CP: variants seen among roughly 807,000 people sequenced by gnomAD.
CP encodes the protein ceruloplasmin, also known as caeruloplasmin.
In CP, 64 loss-of-function variants were observed where a neutral mutation model predicts 122.4. The observed-to-expected ratio is 0.52, with a 90% confidence interval of 0.43 to 0.64. The LOEUF is 0.64. CP is among the 30% of genes least tolerant of loss of function. The pLI is 0.00. For synonymous variants in CP, 440 were observed against 436.4 expected, an observed-to-expected ratio of 1.01 and a Z score of -0.10; for missense variants, 1,167 against 1,284.4, an observed-to-expected ratio of 0.91 and a Z score of 1.40.
chr3:149,216,009 C>T lies in CP; in HGVS notation c.147-3311G>A, dbSNP rs6767930. On this transcript the variant is annotated intron_variant, in intron 1 of 18. Transcript: ENST00000264613. ...AAGATATTAATAATGCTATTCCCTC[C>T]CATAAATTTAGAATTCACTCAAGTG... Among the ~76,000 whole-genome samples, 1,393 of 152,198 alleles carry T rather than the reference C, an allele frequency of 9.2e-3. 28 individuals are homozygous for T. Among genetic ancestry groups the T allele is most frequent in the African/African-American group, 0.032 (1,337 of 41,506 alleles).
At chr3:149,181,979 A>AGC in intron 14 of CP, 26 bp downstream of exon 14, 5 of 515,794 alleles carry the variant, frequency 9.7e-6, no homozygotes, top group South Asian at 3.0e-5. Context: ...AAAATGCACC[A>AGC]CCCCCACCCC....
downstream of CP, among the ~76,000 whole-genome samples, chr3:149,168,906 CATT>C (rs147336709): frequency 0.017 from 2,585 of 152,280 alleles, 36 homozygotes; most frequent in Middle Eastern, 0.054. Flanking sequence ...TCAGCATCAT[CATT>C]ATCTTAATCA....
chr3:149,196,469 AAAAAAAC>A (rs1195782338), intron 9 of CP, among the ~76,000 whole-genome samples: 1 of 152,130 alleles, frequency 6.6e-6, no homozygotes, highest in East Asian at 1.9e-4. Context: ...ATCCTCACCA[AAAAAAAC>A]AAAAAACAAA....
intron 2 of CP, among the ~76,000 whole-genome samples, chr3:149,211,673 C>A (rs1728107661): frequency 6.6e-6 from 1 of 152,214 alleles, no homozygotes; most frequent in Non-Finnish European, 1.5e-5. Flanking sequence ...CTTATGCCAC[C>A]TTAGCTGGGG....
chr3:149,189,339 G>A (rs914918041), intron 9 of CP, among the ~76,000 whole-genome samples: 26 of 152,018 alleles, frequency 1.7e-4, no homozygotes, highest in African/African-American at 5.8e-4. Context: ...GGATCACGAG[G>A]TCAGGAGATC....
Position 149,212,553 on chromosome 3 carries a change from T to C in CP, c.292A>G (p.Lys98Glu), listed in dbSNP as rs1728185720. 1 of 1,614,042 alleles carries C rather than the reference T, an allele frequency of 6.2e-7. No homozygotes were observed. ...VWLGFLGPII[K>E]AETGDKVYVH... is the part of the protein sequence containing the mutation. Reference sequence around the variant, plus strand: ...TAAACTTTATCTCCAGTTTCAGCTTTGATAATAGGGCCTAAAAACCCAAGC... The same window carrying C: ...TAAACTTTATCTCCAGTTTCAGCTTCGATAATAGGGCCTAAAAACCCAAGC... Residue 98 changes from lysine (K) to glutamate (E), a missense_variant, in exon 2 of 19, where the codon AAA becomes GAA. This residue lies in a region of CP where 642 missense variants were observed against 627.3 expected (regional missense o/e 1.02). Coordinates refer to ENST00000264613, the MANE Select transcript of CP (RefSeq NM_000096.4).
Position 149,172,805 on chromosome 3 carries a change from T to A in CP, c.*909A>T, listed in dbSNP as rs1439961027. The stretch of plus-strand genomic sequence containing the variant: ...CTCTGAATCAAATGAAGTAGAAGTT[T>A]ACAAAGCTAACTTTCTTCTTGTCTA... On this transcript the variant is annotated 3_prime_UTR_variant, in exon 19 of 19. Coordinates refer to ENST00000264613, the MANE Select transcript of CP (RefSeq NM_000096.4). The A allele has an allele frequency of 6.5e-6, 1 of 152,808 alleles. No homozygotes were observed. The highest frequency in any genetic ancestry group is 1.5e-5 in the Non-Finnish European group (1 of 68,156). The allele number at this position is 152,808 out of a possible 1,614,324, so 9.5% of individuals were successfully genotyped here. A position where few individuals can be genotyped will look rare whatever the true frequency, so the allele number is the denominator to read the frequency against.
chr3:149,169,648 G>C (rs1302938243), downstream of CP, among the ~76,000 whole-genome samples: 1 of 152,172 alleles, frequency 6.6e-6, no homozygotes, highest in African/African-American at 2.4e-5. Context: ...AATGTCTCCA[G>C]ATGTTGCCAG....
intron 9 of CP, among the ~76,000 whole-genome samples, chr3:149,188,714 A>G (rs934870336): frequency 6.6e-6 from 1 of 152,106 alleles, no homozygotes; most frequent in African/African-American, 2.4e-5. Context: ...TTCAAACATT[A>G]TCACCTCCTC....
rs1231194288 is a variant in CP, at chr3:149,202,207, T to C, written c.1243A>G (p.Arg415Gly). The change falls in exon 7 of 19, where the codon AGA becomes GGA. Residue 415 changes from arginine to glycine, a missense_variant. Around this residue, in one of 2 missense-constraint regions of CP, gnomAD observed 642 missense variants for 627.3 expected, o/e 1.02. Transcript: ENST00000264613. ...AGCTTTTTATAAGAGCCTCCAATTC[T>C]TGTGGTACCTTGTTCAAAAAACACC... ...SAVFFEQGTT[R>G]IGGSYKKLVY... 1 of 1,614,174 alleles carries C rather than the reference T, an allele frequency of 6.2e-7. No individual in the cohort carries two copies. The highest frequency in any genetic ancestry group is 8.5e-7 in the Non-Finnish European group (1 of 1,180,018).
intron 1 of CP, among the ~76,000 whole-genome samples, chr3:149,215,278 G>A (rs1000352657): frequency 7.2e-5 from 11 of 152,154 alleles, no homozygotes; most frequent in Non-Finnish European, 1.5e-4. Flanking sequence ...TTATTGCATT[G>A]AAATGCTCCT....
chr3:149,202,177 A>G lies in CP; in HGVS notation c.1273T>C (p.Tyr425His), dbSNP rs1727373757. 6.2e-7 allele frequency: 1 copy of G among 1,614,058 alleles called. No homozygotes were observed. The highest frequency in any genetic ancestry group is 1.3e-5 in the African/African-American group (1 of 74,918). The change falls in exon 7 of 19, where the codon TAT becomes CAT. Residue 425 changes from tyrosine (Y) to histidine (H), a missense_variant. Around this residue, in one of 2 missense-constraint regions of CP, gnomAD observed 642 missense variants for 627.3 expected, o/e 1.02. Transcript: ENST00000264613. ...RIGGSYKKLV[Y>H]REYTDASFTN... The stretch of plus-strand genomic sequence containing the variant: ...AAGGAGGCATCTGTGTACTCACGAT[A>G]AACCAGCTTTTTATAAGAGCCTCCA...
chr3:149,201,487 T>A (rs1251450453), intron 7 of CP, among the ~76,000 whole-genome samples: 1 of 152,152 alleles, frequency 6.6e-6, no homozygotes, highest in Non-Finnish European at 1.5e-5. Flanking sequence ...AACTTAGTTA[T>A]CTATTTAAAC....
intron 1 of CP, chr3:149,217,973 GT>G: frequency 3.0e-6 from 1 of 334,900 alleles, no homozygotes; most frequent in South Asian, 2.5e-5. Context: ...TGTACCATTT[GT>G]TTTGGAAACC....
intron 15 of CP, 71 bp from the exon 16 acceptor site, chr3:149,178,702 C>T: frequency 1.8e-6 from 2 of 1,130,228 alleles, no homozygotes; most frequent in Non-Finnish European, 2.6e-6. Flanking sequence ...AGACTTTGCA[C>T]CCAGGGCCTC....
chr3:149,186,542 GA>G lies in CP; in HGVS notation c.2054del (p.Leu685ProfsTer25). 6.2e-7 allele frequency: 1 copy of G among 1,614,180 alleles called. No homozygotes were observed. The highest frequency in any genetic ancestry group is 8.5e-7 in the Non-Finnish European group (1 of 1,180,012). ...ANLFPQTSLT[L>X]HMWPDTEGTF... Reference sequence around the variant, plus strand: ...TACCCTCTGTGTCAGGCCACATGTGGAGCGTAAGACTTGTTTGAGGGAAGAG... The same window carrying G: ...TACCCTCTGTGTCAGGCCACATGTGGGCGTAAGACTTGTTTGAGGGAAGAG... On this transcript the variant is annotated frameshift_variant, in exon 11 of 19. Transcript: ENST00000264613. LOFTEE classifies it high-confidence loss of function.
chr3:149,186,532 G>A lies in CP; in HGVS notation c.2065C>T (p.Pro689Ser), dbSNP rs200353789. ...PQTSLTLHMW[P>S]DTEGTFNVEC... The stretch of plus-strand genomic sequence containing the variant: ...TAAGTAAATATACCCTCTGTGTCAG[G>A]CCACATGTGGAGCGTAAGACTTGTT... The change falls in exon 11 of 19, where the codon CCT (proline) becomes TCT (serine). Residue 689 changes from proline (P) to serine (S), a missense_variant. Transcript: ENST00000264613. 4.4e-5 allele frequency: 71 copies of A among 1,613,968 alleles called. No individual in the cohort carries two copies. Among genetic ancestry groups the A allele is most frequent in the Non-Finnish European group, 5.3e-5 (62 of 1,179,948 alleles).
chr3:149,193,993 T>C (rs1726720209), intron 9 of CP, among the ~76,000 whole-genome samples: 1 of 152,184 alleles, frequency 6.6e-6, no homozygotes, highest in South Asian at 2.1e-4. Flanking sequence ...AGAAGGTAAA[T>C]CTCATTTTAA....
rs181421350 is a variant in CP at position 149,179,832 on chromosome 3, G to A, written c.2555-170C>T. The A allele has an allele frequency of 7.5e-5, 44 of 586,868 alleles. 1 individual carries two copies. The Admixed American group carries it at 1.3e-3, about 17-fold the overall frequency. 36.4% of individuals were successfully genotyped at this position (586,868 alleles called of 1,614,324 possible). Reference sequence around the variant, plus strand: ...TTGTGGTACTCAAGATTGTTTTCAGGAATTTAGTTTTAAGATGAACTGGAA... The same window carrying A: ...TTGTGGTACTCAAGATTGTTTTCAGAAATTTAGTTTTAAGATGAACTGGAA... On this transcript the variant is annotated intron_variant, in intron 14 of 18. Transcript: ENST00000264613.
Sources: gnomAD v4.1 joint callset for allele counts (sites outside exome capture counted in the v4.1 genomes callset) on GRCh38, gnomAD v4.1.1 for gene constraint, gnomAD v4.1.1 regional missense constraint, MANE v1.5 for transcripts, NCBI Gene and HGNC (gene_info 2026-07-23, HGNC 2026-07-21) for gene names.